Variants in DRC10 observed in about 807,000 individuals in gnomAD.
DRC10 encodes IQ domain-containing protein D.
At chr12:113,207,444 A>C in the DRC10 span, 1 of 1,609,916 alleles carries the variant, frequency 6.2e-7, no homozygotes, top group Non-Finnish European at 8.5e-7. Context: ...ATACCTCTGC[A>C]TTCCTGTTCT....
the DRC10 span, among the ~76,000 whole-genome samples, chr12:113,211,905 T>TAAAA: frequency 8.8e-5 from 13 of 148,172 alleles, no homozygotes; most frequent in Non-Finnish European, 1.2e-4. Context: ...TACAAAAAGT[T>TAAAA]AAAAAAAAAA....
the DRC10 span, among the ~76,000 whole-genome samples, chr12:113,203,621 G>A: frequency 6.6e-6 from 1 of 151,710 alleles, no homozygotes; most frequent in African/African-American, 2.4e-5. Context: ...GATTATAGGT[G>A]CACGCCACCA....
At chr12:113,200,281 G>A in the DRC10 span, 1 of 554,980 alleles carries the variant, frequency 1.8e-6, no homozygotes, top group Non-Finnish European at 3.4e-6. Context: ...TGGGGTCTCA[G>A]GAGTTGAGGA....
the DRC10 span, chr12:113,195,839 C>G: frequency 1.2e-6 from 2 of 1,613,736 alleles, no homozygotes; most frequent in Non-Finnish European, 1.7e-6. Flanking sequence ...TGAGCTCCTC[C>G]AGCGAGATCT....
chr12:113,196,548 A>T, the DRC10 span, among the ~76,000 whole-genome samples: 1 of 152,048 alleles, frequency 6.6e-6, no homozygotes, highest in Admixed American at 6.6e-5. Context: ...CCCGCAACCA[A>T]CCCACAACCC....
At chr12:113,196,025 G>C in the DRC10 span, 2 of 1,321,880 alleles carry the variant, frequency 1.5e-6, no homozygotes, top group Non-Finnish European at 1.0e-6. Context: ...AGCATCTCTC[G>C]GTCCCAGTGA....
chr12:113,213,827 T>C, the DRC10 span, among the ~76,000 whole-genome samples: 455 of 152,178 alleles, frequency 3.0e-3, 2 homozygotes, highest in Non-Finnish European at 5.2e-3. Flanking sequence ...GGCATGGTGG[T>C]GGGCACCTGT....
the DRC10 span, among the ~76,000 whole-genome samples, chr12:113,198,934 T>C: frequency 2.8e-4 from 42 of 150,526 alleles, no homozygotes; most frequent in Non-Finnish European, 4.7e-4. Flanking sequence ...CCACAAAAAA[T>C]GATACTTTTT....
At chr12:113,213,109 G>A in the DRC10 span, among the ~76,000 whole-genome samples, 953 of 134,840 alleles carry the variant, frequency 7.1e-3, 9 homozygotes, top group African/African-American at 0.024. Context: ...TGGAGAGAAG[G>A]AAAAAACCCA....
chr12:113,195,740 C>T, the DRC10 span: 1 of 1,614,002 alleles, frequency 6.2e-7, no homozygotes, highest in Non-Finnish European at 8.5e-7. Context: ...GCACCATCTC[C>T]TGCTCTGCCT....
chr12:113,197,512 G>A, the DRC10 span: 1 of 1,451,224 alleles, frequency 6.9e-7, no homozygotes, highest in Non-Finnish European at 9.4e-7. Flanking sequence ...GGAAAAGCAT[G>A]CGAGAGAGAC....
the DRC10 span, among the ~76,000 whole-genome samples, chr12:113,197,912 G>C: frequency 6.6e-6 from 1 of 152,226 alleles, no homozygotes; most frequent in Non-Finnish European, 1.5e-5. Context: ...GAACAAGCTT[G>C]TGCTGTTTAA....
chr12:113,209,100 C>T, the DRC10 span, among the ~76,000 whole-genome samples: 13,044 of 151,628 alleles, frequency 0.086, 647 homozygotes, highest in East Asian at 0.21. Flanking sequence ...CCTGGCTAAT[C>T]TTTGTATTTT....
the DRC10 span, among the ~76,000 whole-genome samples, chr12:113,209,222 G>C: frequency 6.6e-6 from 1 of 152,244 alleles, no homozygotes; most frequent in Admixed American, 6.5e-5. Flanking sequence ...CCATTTTTAA[G>C]TACTGATTTT....
At chr12:113,206,516 G>T in the DRC10 span, among the ~76,000 whole-genome samples, 1 of 152,288 alleles carries the variant, frequency 6.6e-6, no homozygotes, top group South Asian at 2.1e-4. Flanking sequence ...GCAGTAGGGT[G>T]GATGCGTCAG....
At chr12:113,208,386 C>T in the DRC10 span, 2 of 1,350,654 alleles carry the variant, frequency 1.5e-6, no homozygotes, top group East Asian at 2.8e-5. Context: ...TACACAGAAC[C>T]TTTCACTGGA....
the DRC10 span, among the ~76,000 whole-genome samples, chr12:113,210,612 G>GAAAA: frequency 9.3e-6 from 1 of 107,294 alleles, no homozygotes; most frequent in Non-Finnish European, 1.9e-5. Context: ...AAGAAAAAAA[G>GAAAA]AAAAAAAAAA....
chr12:113,208,026 A>T, the DRC10 span: 2 of 1,614,036 alleles, frequency 1.2e-6, no homozygotes, highest in Admixed American at 3.3e-5. Flanking sequence ...TTTTGGCCTC[A>T]ATGGTGGTGA....
At chr12:113,212,926 C>T in the DRC10 span, among the ~76,000 whole-genome samples, 1 of 151,970 alleles carries the variant, frequency 6.6e-6, no homozygotes, top group African/African-American at 2.4e-5. Flanking sequence ...TTGGATATTC[C>T]CTTTATTTGT....
Sources: allele counts gnomAD v4.1 joint callset (sites outside exome capture counted in the v4.1 genomes callset), GRCh38; gene constraint gnomAD v4.1.1; transcripts MANE v1.5; gene names NCBI Gene and HGNC (gene_info 2026-07-23, HGNC 2026-07-21).